The following BCKDHA variants were observed in gnomAD, a reference collection of about 807,000 sequenced individuals.
BCKDHA encodes 2-oxoisovalerate dehydrogenase subunit alpha, mitochondrial.
A neutral mutation model predicts 52.2 loss-of-function variants in BCKDHA; 43 were observed. The observed-to-expected ratio is 0.82, with a 90% CI of 0.64 to 1.06. The LOEUF is 1.06. Among genes scored for constraint, BCKDHA ranks in the 50% least tolerant of loss-of-function variants. The probability of loss-of-function intolerance (pLI) is 0.00; values close to 1 mark genes in which losing one functional copy is unlikely to be tolerated. For synonymous variants in BCKDHA, 234 were observed against 247.9 expected, an observed-to-expected ratio of 0.94 and a Z score of 0.53; for missense variants, 527 against 621.3, an observed-to-expected ratio of 0.85 and a Z score of 1.61.
At chr19:41,409,798 A>ATTTTTTTTTTTTTTTTTTTTTTTTTT (rs10565264) in intron 1 of BCKDHA, among the ~76,000 whole-genome samples, 1 of 109,156 alleles carries the variant, frequency 9.2e-6, no homozygotes. Flanking sequence ...CCTCTAAGGG[A>ATTTTTTTTTTTTTTTTTTTTTTTTTT]TTTTTTTTTT....
At position 41,411,114 on chromosome 19, in the gene BCKDHA, G is replaced by A. The variant is rs990776009; in HGVS notation, c.375+105G>A. The A allele has an allele frequency of 4.6e-6, 6 of 1,297,124 alleles. No individual in the cohort carries two copies. In the East Asian group the frequency reaches 1.2e-4, roughly 25 times the overall value. 80.4% of individuals were successfully genotyped at this position (1,297,124 alleles called of 1,614,324 possible). A position where few individuals can be genotyped will look rare whatever the true frequency, so the allele number is the denominator to read the frequency against. ...CCCAAGGAGGACAGATTCTTTTTTG[G>A]GGGGGTTCCATAGAGTTCTGAGGGT... On this transcript the variant is annotated intron_variant, in intron 3 of 8. Transcript: ENST00000269980.
intron 5 of BCKDHA, among the ~76,000 whole-genome samples, chr19:41,421,859 G>T (rs1382050096): frequency 6.6e-6 from 1 of 152,160 alleles, no homozygotes; most frequent in Non-Finnish European, 1.5e-5. Context: ...GTGCAGAGGA[G>T]GAGGTAAGAG....
chr19:41,423,286 A>C (rs1160550126), intron 8 of BCKDHA, 117 bp downstream of exon 8: 13 of 1,479,816 alleles, frequency 8.8e-6, no homozygotes, highest in African/African-American at 1.4e-5. Flanking sequence ...GATGTCTCAG[A>C]TGTGGCCTGT....
chr19:41,409,640 TG>T (rs1397198146), intron 1 of BCKDHA, among the ~76,000 whole-genome samples: 6 of 152,090 alleles, frequency 3.9e-5, no homozygotes, highest in Non-Finnish European at 8.8e-5. Context: ...AAGATTGTTT[TG>T]AGCATTTGTT....
At chr19:41,403,607 T>C (rs1323719033) in intron 1 of BCKDHA, among the ~76,000 whole-genome samples, 1 of 152,130 alleles carries the variant, frequency 6.6e-6, no homozygotes, top group Non-Finnish European at 1.5e-5. Flanking sequence ...ACCCCTTGGC[T>C]GAACTCCCCC....
At chr19:41,419,424 T>C (rs2039341154) in intron 5 of BCKDHA, 128 bp downstream of exon 5, 2 of 1,177,630 alleles carry the variant, frequency 1.7e-6, no homozygotes, top group Non-Finnish European at 2.4e-6. Flanking sequence ...CCCTGGTCTG[T>C]GCTCCAGACT....
intron 3 of BCKDHA, among the ~76,000 whole-genome samples, 153 bp downstream of exon 3, chr19:41,411,162 A>T (rs2123255073): frequency 6.6e-6 from 1 of 152,276 alleles, no homozygotes; most frequent in East Asian, 1.9e-4. Flanking sequence ...CTGGAGGAGA[A>T]GTGTGAGAGC....
chr19:41,398,611 C>T (rs2123234168), intron 1 of BCKDHA, among the ~76,000 whole-genome samples: 1 of 152,220 alleles, frequency 6.6e-6, no homozygotes, highest in African/African-American at 2.4e-5. Flanking sequence ...CTTAGAAACA[C>T]TTGAGAAGGC....
At chr19:41,411,821 CT>C (rs1568504211) in intron 3 of BCKDHA, among the ~76,000 whole-genome samples, 1 of 152,210 alleles carries the variant, frequency 6.6e-6, no homozygotes, top group Admixed American at 6.5e-5. Flanking sequence ...GTTGCAGGCT[CT>C]TACCCACGCT....
intron 5 of BCKDHA, 136 bp downstream of exon 5, chr19:41,419,432 ACTTCTT>A (rs935746426): frequency 2.6e-6 from 3 of 1,146,548 alleles, no homozygotes; most frequent in East Asian, 2.6e-5. Flanking sequence ...TGTGCTCCAG[ACTTCTT>A]CTTCTTATTT....
intron 1 of BCKDHA, among the ~76,000 whole-genome samples, chr19:41,408,237 G>A (rs950983184): frequency 4.4e-5 from 5 of 113,244 alleles, no homozygotes; most frequent in Admixed American, 8.5e-5. Context: ...GATTACAGGC[G>A]TAAGCCACTG....
Position 41,412,126 on chromosome 19 carries a change from C to T in BCKDHA, c.375+1117C>T, listed in dbSNP as rs140736407. On this transcript the variant is annotated intron_variant, in intron 3 of 8. Coordinates refer to ENST00000269980, the MANE Select transcript of BCKDHA (RefSeq NM_000709.4). ...ATCCGTATGCCAGGGCTGCCCAGAG[C>T]CCCAGCCAGACTGCTTGTCAGAGCC... is the stretch of plus-strand genomic sequence containing the variant. 6.8e-3 allele frequency among the ~76,000 whole-genome samples: 1,041 copies of T among 152,224 alleles called. 17 individuals carry two copies. The highest frequency in any genetic ancestry group is 0.024 in the African/African-American group (999 of 41,516).
intron 4 of BCKDHA, among the ~76,000 whole-genome samples, chr19:41,416,245 A>G (rs1433788736): frequency 2.0e-5 from 3 of 152,084 alleles, no homozygotes; most frequent in Non-Finnish European, 2.9e-5. Context: ...GCGCCGGGCC[A>G]GCCAAGGTGC....
At chr19:41,423,367 C>A (rs2039391490) in intron 8 of BCKDHA, among the ~76,000 whole-genome samples, 198 bp downstream of exon 8, 1 of 152,202 alleles carries the variant, frequency 6.6e-6, no homozygotes. Flanking sequence ...ACTTCCTTGT[C>A]TTTGAAAGGG....
At chr19:41,410,853 C>T (rs369995436) in intron 2 of BCKDHA, 37 bp downstream of exon 2, 44 of 1,613,352 alleles carry the variant, frequency 2.7e-5, no homozygotes, top group Non-Finnish European at 3.0e-5. Flanking sequence ...GTGCCCCCCA[C>T]GCCCAGGCCC....
chr19:41,422,356 G>T lies in BCKDHA; in HGVS notation c.839G>T (p.Arg280Leu). 6.2e-7 allele frequency: 1 copy of T among 1,614,142 alleles called. No individual in the cohort carries two copies. The highest frequency in any genetic ancestry group is 8.5e-7 in the Non-Finnish European group (1 of 1,180,012). ...TCCACGCCCACCTCTGAGCAGTATCGCGGCGATGGCATTGGTATGGGCTCT... is the reference window on the plus strand; with the variant it reads ...TCCACGCCCACCTCTGAGCAGTATCTCGGCGATGGCATTGGTATGGGCTCT... ...AISTPTSEQYRGDGIAARGPG... is the reference protein window; with the variant it reads ...AISTPTSEQYLGDGIAARGPG... The change falls in exon 6 of 9, where the codon CGC (arginine) becomes CTC (leucine). Residue 280 changes from arginine (R) to leucine (L), a missense_variant. Physicochemically the swap from Arg to Leu is moderately radical, Grantham distance 102. Coordinates refer to ENST00000269980, the MANE Select transcript of BCKDHA (RefSeq NM_000709.4).
chr19:41,421,307 C>T (rs1046178977), intron 5 of BCKDHA, among the ~76,000 whole-genome samples: 2 of 152,094 alleles, frequency 1.3e-5, no homozygotes, highest in Non-Finnish European at 1.5e-5. Context: ...GTGGGGGAGA[C>T]GGACAGTAAC....
Position 41,423,162 on chromosome 19 carries a change from G to A in BCKDHA, c.1160G>A (p.Arg387His), listed in dbSNP as rs1052314774. Residue 387 changes from arginine (R) to histidine (H), a missense_variant, in exon 8 of 9, where the codon CGC becomes CAC. By Grantham distance (29) the Arg-to-His change is conservative (BLOSUM62 0). Transcript: ENST00000269980. ...GAGAAGGCCTGGAGGAAGCAGTCCC[G>A]CAGGAAGGTGAGGGTGCCCCGCCCG... ...EQEKAWRKQS[R>H]RKVMEAFEQA... The A allele has an allele frequency of 1.2e-5, 18 of 1,553,622 alleles. No homozygotes were observed. Among genetic ancestry groups the A allele is most frequent in the African/African-American group, 1.4e-5 (1 of 73,380 alleles).
intron 4 of BCKDHA, 146 bp downstream of exon 4, chr19:41,414,303 G>T: frequency 4.7e-6 from 4 of 848,918 alleles, no homozygotes. Context: ...GACAAGCCAG[G>T]GTTAGGACTC....
Sources: gnomAD v4.1 joint callset for allele counts (sites outside exome capture counted in the v4.1 genomes callset) on GRCh38, gnomAD v4.1.1 for gene constraint, MANE v1.5 for transcripts, NCBI Gene and HGNC (gene_info 2026-07-23, HGNC 2026-07-21) for gene names.